RBM24: variants seen among roughly 807,000 people sequenced by gnomAD.
RBM24 encodes RNA-binding protein 24.
RBM24 carries 5 observed loss-of-function variants against 23.6 expected under a neutral mutation model. The ratio of observed to expected loss-of-function variants is 0.21; its 90% CI spans 0.11 to 0.45. RBM24 has a LOEUF of 0.45. RBM24 is among the 20% of genes least tolerant of loss of function. The pLI, the probability that RBM24 is intolerant of heterozygous loss-of-function variation, is 0.99. For missense variants in RBM24, 252 were observed against 314.6 expected (o/e 0.80, Z 1.51); for synonymous variants, 151 against 129.5 (o/e 1.17, Z -1.13).
At chr6:17,289,461 T>C in intron 3 of RBM24, 6 of 985,482 alleles carry the variant, frequency 6.1e-6, no homozygotes, top group Non-Finnish European at 7.2e-6. Context: ...TTGTTTGACA[T>C]TGTGAAATCA....
At chr6:17,285,199 T>C (rs2113399486) in intron 3 of RBM24, 1 of 152,486 alleles carries the variant, frequency 6.6e-6, no homozygotes, top group African/African-American at 2.4e-5. Flanking sequence ...GGTGTTGTTG[T>C]TTTTATTTTT....
At position 17,292,289 on chromosome 6, in the gene RBM24, T is replaced by A; in HGVS notation, c.*170T>A. 1.8e-6 allele frequency: 1 copy of A among 558,194 alleles called. No homozygotes were observed. The allele number at this position is 558,194 out of a possible 1,614,324, so 34.6% of individuals were successfully genotyped here. A position where few individuals can be genotyped will look rare whatever the true frequency, so the allele number is the denominator to read the frequency against. ...TTTATACTCCAGGTAGTGTTCTAGATGAGAAAGAGGTAAGAATGAGGGGAA... is the reference window on the plus strand; with the variant it reads ...TTTATACTCCAGGTAGTGTTCTAGAAGAGAAAGAGGTAAGAATGAGGGGAA... On this transcript the variant is annotated 3_prime_UTR_variant, in exon 4 of 4. Transcript: ENST00000379052.
intron 3 of RBM24, chr6:17,288,754 C>T (rs750568732): frequency 3.3e-5 from 32 of 979,392 alleles, no homozygotes; most frequent in Non-Finnish European, 3.8e-5. Flanking sequence ...ATAAAGGAGC[C>T]CAGTTGACCT....
In RBM24 at chr6:17,291,052, A is replaced by C. The variant is rs375789358; in HGVS notation, c.348-704A>C. On this transcript the variant is annotated intron_variant, in intron 3 of 3. Transcript: ENST00000379052. ...AGCCTCTTGTGACAGAGTGAGCTGC[A>C]CTACAGTTCGTTTGAGAAGTGTGAT... 8.5e-5 allele frequency among the ~76,000 whole-genome samples: 13 copies of C among 152,348 alleles called. No individual in the cohort carries two copies. In the East Asian group the frequency reaches 2.5e-3, roughly 29 times the overall value.
intron 3 of RBM24, chr6:17,290,855 A>G (rs1760336128): frequency 2.3e-6 from 3 of 1,289,708 alleles, no homozygotes; most frequent in Non-Finnish European, 3.0e-6. Flanking sequence ...ATAGAGATAA[A>G]CAAGCTGGCT....
chr6:17,286,847 A>G (rs577550534), intron 3 of RBM24, among the ~76,000 whole-genome samples: 1 of 152,350 alleles, frequency 6.6e-6, no homozygotes, highest in African/African-American at 2.4e-5. Context: ...GGGTCTTGAG[A>G]GCTGGGCATA....
rs180899215 is a variant in RBM24 at position 17,292,458 on chromosome 6, G to T, written c.*339G>T. 527 of 169,560 alleles carry T rather than the reference G, an allele frequency of 3.1e-3. 6 individuals carry two copies. The highest frequency in any genetic ancestry group is 1.7e-3 in the Non-Finnish European group (139 of 79,774). The allele number at this position is 169,560 out of a possible 1,614,324, so 10.5% of individuals were successfully genotyped here. A position where few individuals can be genotyped will look rare whatever the true frequency, so the allele number is the denominator to read the frequency against. ...TTTTATAGTATCAGGGAAGCAAACT[G>T]CCTTTTACAAGTTAGAAAATGCTGT... is the stretch of plus-strand genomic sequence containing the variant. On this transcript the variant is annotated 3_prime_UTR_variant, in exon 4 of 4. Coordinates refer to ENST00000379052, the MANE Select transcript of RBM24 (RefSeq NM_001143942.2).
At position 17,283,090 on chromosome 6, in the gene RBM24, T is replaced by G. The variant is rs3749855; in HGVS notation, c.292+162T>G. The stretch of plus-strand genomic sequence containing the variant: ...CAAGGCATTAAACATAAATGAGAGT[T>G]GTAAATACTCCTCTCAAGGCTTGAA... On this transcript the variant is annotated intron_variant, in intron 2 of 3. Coordinates refer to ENST00000379052, the MANE Select transcript of RBM24 (RefSeq NM_001143942.2). The G allele has an allele frequency of 0.081, 47,589 of 590,806 alleles. 2,310 individuals are homozygous for G. The highest frequency in any genetic ancestry group is 0.17 in the East Asian group (5,966 of 35,704). 36.6% of individuals were successfully genotyped at this position (590,806 alleles called of 1,614,324 possible).
At chr6:17,290,193 CTA>C (rs1760315256) in intron 3 of RBM24, 5 of 867,134 alleles carry the variant, frequency 5.8e-6, no homozygotes, top group Non-Finnish European at 6.5e-6. Flanking sequence ...AAAGCAAAAT[CTA>C]TGTTTCTGAA....
rs1323622845 is a variant in RBM24 at position 17,282,757 on chromosome 6, GTTAA to G, written c.169-45_169-42del. 3.1e-6 allele frequency: 5 copies of G among 1,605,700 alleles called. No homozygotes were observed. The African/African-American group carries it at 6.7e-5, about 22-fold the overall frequency. ...TTGTGATTCTTGATTTCCTTCATGG[GTTAA>G]TTTAGAGGTTATGTATGTATGTCTG... On this transcript the variant is annotated intron_variant, in intron 1 of 3. Transcript: ENST00000379052.
rs115152855 is a variant in RBM24, at chr6:17,283,401, C to T, written c.292+473C>T. 3.8e-3 allele frequency among the ~76,000 whole-genome samples: 583 copies of T among 152,146 alleles called. 4 individuals are homozygous for T. The highest frequency in any genetic ancestry group is 0.013 in the African/African-American group (553 of 41,508). ...CAAGGGAAGCATTAAGGGGTAGGGG[C>T]GATGTCCAAATGGTAAAGGTTTTGT... On this transcript the variant is annotated intron_variant, in intron 2 of 3. Transcript: ENST00000379052.
Position 17,293,744 on chromosome 6 carries a change from A to G in RBM24, c.*1625A>G, listed in dbSNP as rs1371990603. 6 of 152,666 alleles carry G rather than the reference A, an allele frequency of 3.9e-5. No homozygotes were observed. The highest frequency in any genetic ancestry group is 1.4e-4 in the African/African-American group (6 of 41,458). The allele number at this position is 152,666 out of a possible 1,614,324, so 9.5% of individuals were successfully genotyped here. Reference sequence around the variant, plus strand: ...CACTGGATTTACTTTAAGTATTCCCATACTAGACAGTGTTATGTAATGTAG... The same window carrying G: ...CACTGGATTTACTTTAAGTATTCCCGTACTAGACAGTGTTATGTAATGTAG... On this transcript the variant is annotated 3_prime_UTR_variant, in exon 4 of 4. Transcript: ENST00000379052.
At chr6:17,290,093 T>C (rs763225123) in intron 3 of RBM24, 18 of 1,288,966 alleles carry the variant, frequency 1.4e-5, no homozygotes, top group South Asian at 1.2e-4. Context: ...ATTTTTATCA[T>C]TGGGGCCAAA....
chr6:17,282,890 T>C lies in RBM24; in HGVS notation c.254T>C (p.Leu85Pro). 2.5e-6 allele frequency: 4 copies of C among 1,614,132 alleles called. No homozygotes were observed. The highest frequency in any genetic ancestry group is 3.4e-6 in the Non-Finnish European group (4 of 1,180,016). Reference sequence around the variant, plus strand: ...GATGGCAGAAAGGCCAACGTGAACCTGGCATACTTAGGAGCAAAACCAAGG... The same window carrying C: ...GATGGCAGAAAGGCCAACGTGAACCCGGCATACTTAGGAGCAAAACCAAGG... Reference protein sequence around the residue: ...IIDGRKANVNLAYLGAKPRIM... With the variant: ...IIDGRKANVNPAYLGAKPRIM... The change falls in exon 2 of 4, where the codon CTG becomes CCG. Residue 85 changes from leucine (L) to proline (P), a missense_variant. Leu to Pro is a moderately conservative substitution (Grantham distance 98). Transcript: ENST00000379052.
chr6:17,289,822 C>G (rs1760300149), intron 3 of RBM24: 1 of 1,083,676 alleles, frequency 9.2e-7, no homozygotes, highest in African/African-American at 1.7e-5. Context: ...CACATGTAAA[C>G]TGGCATAAGA....
intron 2 of RBM24, 110 bp from the exon 3 acceptor site, chr6:17,284,547 C>A: frequency 1.3e-6 from 1 of 787,106 alleles, no homozygotes; most frequent in Non-Finnish European, 2.1e-6. Context: ...TTTAAAGTGG[C>A]GAAAGAATGT....
At chr6:17,285,516 ATAC>A (rs893706635) in intron 3 of RBM24, among the ~76,000 whole-genome samples, 3 of 152,114 alleles carry the variant, frequency 2.0e-5, no homozygotes, top group Non-Finnish European at 4.4e-5. Context: ...CTTTGTCAGA[ATAC>A]AGATTCATTG....
chr6:17,288,138 C>T (rs1316795267), intron 3 of RBM24: 1 of 542,524 alleles, frequency 1.8e-6, no homozygotes, highest in Non-Finnish European at 2.3e-6. Flanking sequence ...CACAGGACTG[C>T]TAAGTGTTAG....
At chr6:17,284,455 T>G (rs568277741) in intron 2 of RBM24, among the ~76,000 whole-genome samples, 4 of 152,316 alleles carry the variant, frequency 2.6e-5, no homozygotes, top group Non-Finnish European at 4.4e-5. Context: ...AGTTTTCACC[T>G]TTTCTCTGTT....
Sources: allele counts gnomAD v4.1 joint callset (sites outside exome capture counted in the v4.1 genomes callset), GRCh38; gene constraint gnomAD v4.1.1; transcripts MANE v1.5; gene names NCBI Gene and HGNC (gene_info 2026-07-23, HGNC 2026-07-21).